The following ULK4 variants were observed in gnomAD, a reference collection of about 807,000 sequenced individuals.
The protein encoded by ULK4 is unc-51 like kinase 4.
ULK4 carries 133 observed loss-of-function variants against 160.6 expected under a neutral mutation model. The ratio of observed to expected loss-of-function variants is 0.83; its 90% CI spans 0.72 to 0.96. The LOEUF is 0.96. Ranked by LOEUF, ULK4 falls within the 40% of genes least tolerant of loss-of-function variation. ULK4 has a pLI of 0.00. For missense variants in ULK4, 1,580 were observed against 1,499.5 expected (o/e 1.05, Z -0.89); for synonymous variants, 534 against 539.8 (o/e 0.99, Z 0.15).
At position 41,409,159 on chromosome 3, in the gene ULK4, C is replaced by T. The variant is rs1288553734; in HGVS notation, c.3493-10895G>A. 2.6e-5 allele frequency among the ~76,000 whole-genome samples: 4 copies of T among 151,894 alleles called. No individual in the cohort carries two copies. In the East Asian group the frequency reaches 5.8e-4, roughly 22 times the overall value. ...TAGTCCCAACTACTCAGGAGGCTGA[C>T]GTGAGAGGATGGATTAAGCCCAGGA... On this transcript the variant is annotated intron_variant, in intron 34 of 36. Transcript: ENST00000301831.
At chr3:41,705,856 T>C (rs2036858547) in intron 25 of ULK4, among the ~76,000 whole-genome samples, 1 of 152,170 alleles carries the variant, frequency 6.6e-6, no homozygotes, top group South Asian at 2.1e-4. Context: ...ATAATATAAC[T>C]GATACATAAC....
chr3:41,252,560 C>G (rs1575354985), intron 35 of ULK4, among the ~76,000 whole-genome samples: 1 of 147,282 alleles, frequency 6.8e-6, no homozygotes, highest in East Asian at 2.0e-4. Context: ...GTCAGTGAAC[C>G]TGAAGAAGAT....
chr3:41,463,938 A>C (rs1461311829), intron 32 of ULK4, among the ~76,000 whole-genome samples: 1 of 152,108 alleles, frequency 6.6e-6, no homozygotes, highest in Non-Finnish European at 1.5e-5. Flanking sequence ...TTACAACATG[A>C]AATAATGTTA....
intron 32 of ULK4, among the ~76,000 whole-genome samples, chr3:41,554,820 C>T (rs1035542201): frequency 4.0e-5 from 6 of 151,898 alleles, no homozygotes; most frequent in African/African-American, 1.5e-4. Flanking sequence ...TAAATGTGTA[C>T]AAATATTATG....
chr3:41,351,225 G>A (rs1362064802), intron 35 of ULK4, among the ~76,000 whole-genome samples: 1 of 152,150 alleles, frequency 6.6e-6, no homozygotes, highest in East Asian at 1.9e-4. Flanking sequence ...GGTGATTCAA[G>A]GCCTTGGTTC....
Position 41,566,072 on chromosome 3 carries a change from T to C in ULK4, c.3179A>G (p.Asn1060Ser), listed in dbSNP as rs148908889. The change falls in exon 32 of 37, where the codon AAT (asparagine) becomes AGT (serine). Residue 1060 changes from asparagine (N) to serine (S), a missense_variant. Transcript: ENST00000301831. ...TMQSVIALLS[N>S]LVACKDSNME... ...ATTCGAATCTTTGCAGGCAACTAGA[T>C]TGCTGAGTAATGCAATCACACTTTG... The C allele has an allele frequency of 2.0e-5, 33 of 1,613,896 alleles. No individual in the cohort carries two copies. The highest frequency in any genetic ancestry group is 1.3e-4 in the East Asian group (6 of 44,858).
chr3:41,570,805 C>T (rs1394632071), intron 31 of ULK4, among the ~76,000 whole-genome samples: 1 of 152,074 alleles, frequency 6.6e-6, no homozygotes, highest in Non-Finnish European at 1.5e-5. Context: ...AGAATCAGAT[C>T]CCAGCCAATC....
intron 35 of ULK4, among the ~76,000 whole-genome samples, chr3:41,294,204 T>C (rs2079626428): frequency 6.6e-6 from 1 of 152,132 alleles, no homozygotes; most frequent in Non-Finnish European, 1.5e-5. Context: ...AGTGCTGCTA[T>C]AAAAAGAGCC....
At chr3:41,954,517 G>A in intron 2 of ULK4, 105 bp downstream of exon 2, 1 of 1,306,008 alleles carries the variant, frequency 7.7e-7, no homozygotes, top group East Asian at 2.4e-5. Context: ...GACTGAAAAT[G>A]TGGCATTTGA....
In ULK4 at chr3:41,546,145, C is replaced by A. The variant is rs73830231; in HGVS notation, c.3226+19880G>T. On this transcript the variant is annotated intron_variant, in intron 32 of 36. Coordinates refer to ENST00000301831, the MANE Select transcript of ULK4 (RefSeq NM_017886.4). ...TCACATTCTTCAAATTCTTTCTGTA[C>A]CCCCTAAGTTTTGGTTTATGCTAGT... is the stretch of plus-strand genomic sequence containing the variant. Among the ~76,000 whole-genome samples the A allele has an allele frequency of 2.7e-3, 405 of 152,028 alleles. 1 individual carries two copies. The highest frequency in any genetic ancestry group is 8.9e-3 in the African/African-American group (367 of 41,454).
intron 25 of ULK4, among the ~76,000 whole-genome samples, chr3:41,705,653 C>T (rs1036574861): frequency 2.0e-5 from 3 of 152,056 alleles, no homozygotes; most frequent in Non-Finnish European, 4.4e-5. Flanking sequence ...TGTGCCACCA[C>T]GCCTGGCTAA....
intron 5 of ULK4, among the ~76,000 whole-genome samples, chr3:41,930,511 CTTCTGCACAGCAA>C (rs1447566107): frequency 3.9e-5 from 6 of 152,108 alleles, no homozygotes; most frequent in Non-Finnish European, 7.4e-5. Flanking sequence ...AACTAAAGAG[CTTCTGCACAGCAA>C]AATAAACTAG....
chr3:41,911,514 G>A, intron 10 of ULK4, 27 bp downstream of exon 10: 2 of 1,588,510 alleles, frequency 1.3e-6, no homozygotes, highest in Non-Finnish European at 1.7e-6. Context: ...ATTCTAAGTA[G>A]CATGAATGTG....
intron 35 of ULK4, among the ~76,000 whole-genome samples, chr3:41,313,923 C>T (rs114267275): frequency 7.9e-5 from 12 of 152,132 alleles, no homozygotes; most frequent in South Asian, 2.1e-4. Context: ...CTCTAGAGCT[C>T]GTGAGATGGC....
At chr3:41,432,735 AG>A (rs2082941458) in intron 34 of ULK4, among the ~76,000 whole-genome samples, 1 of 152,262 alleles carries the variant, frequency 6.6e-6, no homozygotes, top group Non-Finnish European at 1.5e-5. Flanking sequence ...TAATTTCATA[AG>A]ATACACAGGT....
intron 30 of ULK4, among the ~76,000 whole-genome samples, chr3:41,652,007 A>G (rs2034763268): frequency 1.3e-5 from 2 of 152,192 alleles, no homozygotes; most frequent in African/African-American, 2.4e-5. Context: ...TATAATAAGC[A>G]AGCCCCCAGC....
chr3:41,270,211 G>C (rs751149924), intron 35 of ULK4, among the ~76,000 whole-genome samples: 1 of 152,160 alleles, frequency 6.6e-6, no homozygotes, highest in Admixed American at 6.5e-5. Context: ...GTGGTGATGC[G>C]GCACAGTCAG....
In ULK4 at chr3:41,283,262, A is replaced by G. The variant is rs536628875; in HGVS notation, c.3679-33688T>C. Among the ~76,000 whole-genome samples the G allele has an allele frequency of 2.0e-5, 3 of 152,372 alleles. No individual in the cohort carries two copies. The East Asian group carries it at 5.8e-4, about 29-fold the overall frequency. On this transcript the variant is annotated intron_variant, in intron 35 of 36. Coordinates refer to ENST00000301831, the MANE Select transcript of ULK4 (RefSeq NM_017886.4). ...GGTGATTCCTCAAGGATGCAGAACT[A>G]GAAATACCATTTGACCAAGCGATCC...
chr3:41,929,886 C>T (rs758008737), intron 5 of ULK4, among the ~76,000 whole-genome samples: 1 of 152,070 alleles, frequency 6.6e-6, no homozygotes, highest in Admixed American at 6.6e-5. Context: ...TAGAAAGAAT[C>T]AAAATCATGA....
Sources: allele counts gnomAD v4.1 joint callset (sites outside exome capture counted in the v4.1 genomes callset), GRCh38; gene constraint gnomAD v4.1.1; transcripts MANE v1.5; gene names NCBI Gene and HGNC (gene_info 2026-07-23, HGNC 2026-07-21).